Variants in DAB1 observed in about 807,000 individuals in gnomAD.
DAB1 encodes DAB adaptor protein 1.
A neutral mutation model predicts 64.6 loss-of-function variants in DAB1; 15 were observed. The observed-to-expected ratio is 0.23, with a 90% CI of 0.16 to 0.36. DAB1 has a LOEUF of 0.36. Among genes scored for constraint, DAB1 ranks in the 10% least tolerant of loss-of-function variants. DAB1 has a pLI of 1.00. For missense variants in DAB1, 596 were observed against 706.7 expected, an observed-to-expected ratio of 0.84 and a Z score of 1.78; for synonymous variants, 235 against 251.9, an observed-to-expected ratio of 0.93 and a Z score of 0.64.
intron 4 of DAB1, among the ~76,000 whole-genome samples, chr1:58,203,544 G>A (rs554723198): frequency 6.6e-6 from 1 of 152,186 alleles, no homozygotes; most frequent in South Asian, 2.1e-4. Flanking sequence ...CTGTCATAGT[G>A]GTTCTCAAAC....
intron 1 of DAB1, 93 bp from the exon 2 acceptor site, chr1:57,291,259 A>G (rs2100665330): frequency 7.9e-6 from 3 of 378,250 alleles, no homozygotes; most frequent in Middle Eastern, 6.8e-4. Context: ...ATATACAAAC[A>G]AAATCTTGGT....
intron 4 of DAB1, among the ~76,000 whole-genome samples, chr1:58,192,881 G>A (rs562648864): frequency 2.4e-4 from 37 of 152,074 alleles, no homozygotes; most frequent in Non-Finnish European, 4.3e-4. Flanking sequence ...TTTCTGTTTT[G>A]CAAGATGAAA....
chr1:57,002,796 T>C (rs1645918791), intron 14 of DAB1, among the ~76,000 whole-genome samples: 1 of 152,210 alleles, frequency 6.6e-6, no homozygotes. Flanking sequence ...TTTCTTACCA[T>C]CACACATTTA....
intron 7 of DAB1, among the ~76,000 whole-genome samples, chr1:57,635,282 G>T (rs1442987694): frequency 6.6e-6 from 1 of 152,168 alleles, no homozygotes; most frequent in Non-Finnish European, 1.5e-5. Context: ...CCAAACCCCG[G>T]GCCATGGACT....
intron 7 of DAB1, among the ~76,000 whole-genome samples, chr1:57,625,939 T>C (rs759295514): frequency 2.0e-5 from 3 of 152,204 alleles, no homozygotes; most frequent in Non-Finnish European, 4.4e-5. Context: ...AATAAAGACA[T>C]TTACCAAAAT....
intron 4 of DAB1, among the ~76,000 whole-genome samples, chr1:58,194,505 T>C (rs777731266): frequency 1.5e-4 from 23 of 152,262 alleles, no homozygotes; most frequent in Admixed American, 7.8e-4. Context: ...GGTATAAGGA[T>C]GTTTTAACAC....
intron 4 of DAB1, among the ~76,000 whole-genome samples, chr1:57,134,002 A>G (rs776875882): frequency 1.3e-5 from 2 of 152,214 alleles, no homozygotes. Flanking sequence ...GAGAAAACAT[A>G]ATCTTAAAAT....
intron 2 of DAB1, among the ~76,000 whole-genome samples, chr1:57,170,590 C>T (rs1285320157): frequency 6.6e-6 from 1 of 152,086 alleles, no homozygotes; most frequent in African/African-American, 2.4e-5. Flanking sequence ...GGTGCAGGGG[C>T]TTTGAGAAGG....
intron 5 of DAB1, among the ~76,000 whole-genome samples, chr1:58,027,888 A>T (rs191594736): frequency 6.6e-6 from 1 of 152,352 alleles, no homozygotes; most frequent in East Asian, 1.9e-4. Flanking sequence ...AGAATTAAGC[A>T]TTTAATTCCC....
chr1:57,740,130 C>A (rs747028263), intron 6 of DAB1, among the ~76,000 whole-genome samples: 10 of 151,864 alleles, frequency 6.6e-5, no homozygotes, highest in Non-Finnish European at 1.5e-4. Context: ...ATGAAAATTG[C>A]TTGAACCTGG....
Position 58,290,882 on chromosome 1 carries a change from G to C in DAB1, n.309+52470C>G, listed in dbSNP as rs535513026. Among the ~76,000 whole-genome samples the C allele has an allele frequency of 2.0e-5, 3 of 152,278 alleles. No individual in the cohort carries two copies. The South Asian group carries it at 6.2e-4, about 32-fold the overall frequency. On this transcript the variant is annotated intron_variant and non_coding_transcript_variant, in intron 4 of 20. Transcript: ENST00000485760. ...GTTTTCAGTACCATGGAGAGGTGCC[G>C]CATTGCTGAGAGCTGCAGACCCGAG... is the stretch of plus-strand genomic sequence containing the variant.
chr1:57,798,433 TTGC>T (rs1650971781), intron 6 of DAB1, among the ~76,000 whole-genome samples: 1 of 152,212 alleles, frequency 6.6e-6, no homozygotes, highest in South Asian at 2.1e-4. Context: ...TCTTCTATGC[TTGC>T]TGTGCCACTA....
chr1:57,609,063 C>A (rs1034292821), intron 7 of DAB1, among the ~76,000 whole-genome samples: 2 of 152,146 alleles, frequency 1.3e-5, no homozygotes, highest in South Asian at 4.1e-4. Flanking sequence ...GGGTCCAACT[C>A]CCTCTGACCT....
At chr1:57,509,462 T>G (rs1021444866) in intron 7 of DAB1, among the ~76,000 whole-genome samples, 1 of 152,062 alleles carries the variant, frequency 6.6e-6, no homozygotes, top group African/African-American at 2.4e-5. Context: ...CTCCACTCAC[T>G]GCTTCCTCAG....
At chr1:58,486,399 T>A (rs1557436344) in intron 3 of DAB1, among the ~76,000 whole-genome samples, 1 of 152,344 alleles carries the variant, frequency 6.6e-6, no homozygotes, top group East Asian at 1.9e-4. Context: ...GCGACCATCT[T>A]TCTCCCGTTA....
At chr1:58,075,741 CCGACT>C (rs1431536557) in intron 5 of DAB1, among the ~76,000 whole-genome samples, 3 of 152,168 alleles carry the variant, frequency 2.0e-5, no homozygotes, top group African/African-American at 7.2e-5. Context: ...AGAGAGCTGT[CCGACT>C]CTCTCTCCCT....
chr1:57,559,814 A>G (rs1241408347), intron 7 of DAB1, among the ~76,000 whole-genome samples: 1 of 152,238 alleles, frequency 6.6e-6, no homozygotes. Flanking sequence ...TAGAGCTGCC[A>G]CTACCTAGAA....
At chr1:57,085,359 C>G (rs941979488) in intron 4 of DAB1, among the ~76,000 whole-genome samples, 1 of 152,148 alleles carries the variant, frequency 6.6e-6, no homozygotes, top group African/African-American at 2.4e-5. Flanking sequence ...GAGACAACTG[C>G]GCCCAAGTGA....
chr1:57,747,503 T>G (rs1648332445), intron 6 of DAB1, among the ~76,000 whole-genome samples: 1 of 151,968 alleles, frequency 6.6e-6, no homozygotes, highest in Admixed American at 6.6e-5. Context: ...GAATAGAGAG[T>G]TAAATTAGTA....
Sources: allele counts gnomAD v4.1 joint callset (sites outside exome capture counted in the v4.1 genomes callset), GRCh38; gene constraint gnomAD v4.1.1; transcripts MANE v1.5; gene names NCBI Gene and HGNC (gene_info 2026-07-23, HGNC 2026-07-21).